Variants in WLS observed in about 807,000 individuals in gnomAD.
WLS encodes protein wntless homolog.
Under a neutral mutation model 62.8 loss-of-function variants are expected in WLS, and 23 were observed. The observed-to-expected ratio is 0.37, with a 90% CI of 0.26 to 0.52. WLS has a LOEUF of 0.52. Among genes scored for constraint, WLS ranks in the 20% least tolerant of loss-of-function variants. WLS has a pLI of 0.92. For missense variants in WLS, 615 were observed against 697.3 expected (o/e 0.88, Z 1.33); for synonymous variants, 246 against 244.1 (o/e 1.01, Z -0.07).
intron 1 of WLS, among the ~76,000 whole-genome samples, chr1:68,224,922 G>T (rs753978081): frequency 6.6e-6 from 1 of 152,144 alleles, no homozygotes; most frequent in African/African-American, 2.4e-5. Context: ...TTCAATCAAG[G>T]ACTGTGGGCT....
chr1:68,161,060 T>G (rs1646965238), intron 2 of WLS, among the ~76,000 whole-genome samples: 1 of 152,216 alleles, frequency 6.6e-6, no homozygotes, highest in South Asian at 2.1e-4. Context: ...AACTTTCCAC[T>G]CAATAAAACA....
At chr1:68,121,032 A>G (rs923759604), downstream of WLS, 3 of 152,234 alleles carry the variant, frequency 2.0e-5, no homozygotes, top group Admixed American at 2.0e-4. Context: ...GGTAATACAA[A>G]TTTTTAAAAC....
chr1:68,201,825 AG>A (rs1235648065), intron 1 of WLS: 2 of 152,272 alleles, frequency 1.3e-5, no homozygotes, highest in Non-Finnish European at 2.9e-5. Context: ...ACAAAAGTCA[AG>A]CACTTATTTA....
chr1:68,215,348 C>T (rs1649683878), intron 1 of WLS, among the ~76,000 whole-genome samples: 1 of 152,110 alleles, frequency 6.6e-6, no homozygotes, highest in South Asian at 2.1e-4. Context: ...CCAGTAGGCA[C>T]ATGAAAAGAG....
intron 1 of WLS, among the ~76,000 whole-genome samples, chr1:68,219,346 G>A (rs1366006901): frequency 2.0e-5 from 3 of 152,162 alleles, no homozygotes; most frequent in Non-Finnish European, 4.4e-5. Flanking sequence ...TTCTCACTAT[G>A]TCTTCCTTGG....
At position 68,153,500 on chromosome 1, in the gene WLS, C is replaced by T; in HGVS notation, c.803+17G>A. 3 of 1,613,932 alleles carry T rather than the reference C, an allele frequency of 1.9e-6. 1 individual carries two copies. Among genetic ancestry groups the T allele is most frequent in the Non-Finnish European group, 2.5e-6 (3 of 1,179,920 alleles). On this transcript the variant is annotated intron_variant, in intron 5 of 11. Coordinates refer to ENST00000262348, the MANE Select transcript of WLS (RefSeq NM_024911.7). ...GAAGCCAGTATTCCTGAAGAGCGCT[C>T]CAAAACCAGCTCTTACTTTTCCAGA...
intron 6 of WLS, among the ~76,000 whole-genome samples, chr1:68,149,443 C>G (rs1646796213): frequency 6.6e-6 from 1 of 152,174 alleles, no homozygotes; most frequent in South Asian, 2.1e-4. Flanking sequence ...TCTGCTCTCA[C>G]ACTGCTCTCC....
At chr1:68,177,228 AC>A (rs762373219) in intron 2 of WLS, among the ~76,000 whole-genome samples, 4 of 152,302 alleles carry the variant, frequency 2.6e-5, no homozygotes, top group East Asian at 1.9e-4. Context: ...CATGGGGCAT[AC>A]CCTCATCGGG....
At chr1:68,231,520 C>T (rs1026644385) in intron 1 of WLS, 8 of 298,796 alleles carry the variant, frequency 2.7e-5, no homozygotes, top group African/African-American at 1.6e-4. Context: ...CAACTTCCCG[C>T]GGCGCTGGTC....
At position 68,153,583 on chromosome 1, in the gene WLS, A is replaced by G; in HGVS notation, c.737T>C (p.Phe246Ser). 1 of 1,614,202 alleles carries G rather than the reference A, an allele frequency of 6.2e-7. No homozygotes were observed. The highest frequency in any genetic ancestry group is 8.5e-7 in the Non-Finnish European group (1 of 1,180,040). Reference protein sequence around the residue: ...AMKTFLTPSIFIIMVWYWRRI... With the variant: ...AMKTFLTPSISIIMVWYWRRI... Reference sequence around the variant, plus strand: ...CCTCCAATACCACACCATAATGATGAAGATGCTGGGCGTAAGGAAGGTCTT... The same window carrying G: ...CCTCCAATACCACACCATAATGATGGAGATGCTGGGCGTAAGGAAGGTCTT... Residue 246 changes from phenylalanine (F) to serine (S), a missense_variant, in exon 5 of 12, where the codon TTC becomes TCC. Physicochemically the swap from Phe to Ser is radical, Grantham distance 155. Coordinates refer to ENST00000262348, the MANE Select transcript of WLS (RefSeq NM_024911.7).
At chr1:68,105,605 G>A (rs913526458) in intron 11 of WLS, among the ~76,000 whole-genome samples, 2 of 152,110 alleles carry the variant, frequency 1.3e-5, no homozygotes, top group Non-Finnish European at 2.9e-5. Context: ...AAATGAAAAA[G>A]GCATCTTGAT....
Position 68,150,363 on chromosome 1 carries a change from G to C in WLS, c.804-7C>G, listed in dbSNP as rs537966418. 6.2e-7 allele frequency: 1 copy of C among 1,613,770 alleles called. No homozygotes were observed. Among genetic ancestry groups the C allele is most frequent in the Non-Finnish European group, 8.5e-7 (1 of 1,179,854 alleles). On this transcript the variant is annotated splice_polypyrimidine_tract_variant and splice_region_variant and intron_variant, in intron 5 of 11. Transcript: ENST00000262348. ...CCCAAGGGCAAAGATGACTCTGATG[G>C]TGAGAAAATATCAGGACAGCCACTT...
At chr1:68,122,089 T>C (rs1311464882), downstream of WLS, among the ~76,000 whole-genome samples, 1 of 152,238 alleles carries the variant, frequency 6.6e-6, no homozygotes, top group Admixed American at 6.5e-5. Flanking sequence ...TTCTAGTTTA[T>C]AGATTCCCCA....
intron 11 of WLS, among the ~76,000 whole-genome samples, chr1:68,113,299 T>G (rs535049442): frequency 6.6e-5 from 10 of 152,310 alleles, no homozygotes; most frequent in African/African-American, 2.4e-4. Context: ...TTGGTGAGTT[T>G]GCAGAAGCCC....
chr1:68,108,534 A>T (rs1000816305), intron 11 of WLS, among the ~76,000 whole-genome samples: 2 of 151,838 alleles, frequency 1.3e-5, no homozygotes, highest in Non-Finnish European at 2.9e-5. Context: ...CCCCCTTCCC[A>T]CTCCACTGTG....
chr1:68,104,376 A>T (rs1392557665), intron 11 of WLS, among the ~76,000 whole-genome samples: 1 of 152,204 alleles, frequency 6.6e-6, no homozygotes, highest in African/African-American at 2.4e-5. Context: ...TTTTGGAAAC[A>T]TAATAGTTCC....
chr1:68,229,196 T>C (rs1650302598), intron 1 of WLS, among the ~76,000 whole-genome samples: 1 of 152,174 alleles, frequency 6.6e-6, no homozygotes, highest in African/African-American at 2.4e-5. Context: ...CGGATTGTTA[T>C]TGTTTGGTGG....
At chr1:68,158,762 C>T (rs750908381) in intron 3 of WLS, among the ~76,000 whole-genome samples, 14 of 152,112 alleles carry the variant, frequency 9.2e-5, no homozygotes, top group Non-Finnish European at 1.6e-4. Context: ...TCTCATCTTG[C>T]AGAAGAAAAA....
intron 2 of WLS, among the ~76,000 whole-genome samples, chr1:68,159,657 A>G (rs192616605): frequency 1.1e-3 from 164 of 152,300 alleles, no homozygotes; most frequent in African/African-American, 3.8e-3. Flanking sequence ...ATCTGCCTGC[A>G]TTCTCTTTCC....
Sources: allele counts gnomAD v4.1 joint callset (sites outside exome capture counted in the v4.1 genomes callset), GRCh38; gene constraint gnomAD v4.1.1; transcripts MANE v1.5; gene names NCBI Gene and HGNC (gene_info 2026-07-23, HGNC 2026-07-21).